Variants in ARAP2 observed in about 807,000 individuals in gnomAD.
ARAP2 encodes arf-GAP with Rho-GAP domain, ANK repeat and PH domain-containing protein 2.
Under a neutral mutation model 194.5 loss-of-function variants are expected in ARAP2, and 148 were observed. The ratio of observed to expected loss-of-function variants is 0.76; its 90% CI spans 0.67 to 0.87. The LOEUF (loss-of-function observed/expected upper bound fraction) is 0.87, where lower values mean the gene tolerates loss of function less well. Ranked by LOEUF, ARAP2 falls within the 40% of genes least tolerant of loss-of-function variation. The pLI is 0.00. For synonymous variants in ARAP2, 695 were observed against 683.5 expected (o/e 1.02, Z -0.26); for missense variants, 2,128 against 1,989.7 (o/e 1.07, Z -1.32).
intron 8 of ARAP2, among the ~76,000 whole-genome samples, chr4:36,014,192 A>C (rs760059598): frequency 5.4e-5 from 8 of 147,862 alleles, no homozygotes; most frequent in Non-Finnish European, 1.2e-4. Flanking sequence ...GTACAACTAC[A>C]CTCAAGCCTA....
At chr4:36,017,587 A>AAAAAAAAAAG (rs1716086471) in intron 6 of ARAP2, among the ~76,000 whole-genome samples, 1 of 148,342 alleles carries the variant, frequency 6.7e-6, no homozygotes, top group South Asian at 2.2e-4. Flanking sequence ...AAAAAAAAAA[A>AAAAAAAAAAG]GCTTTCTGTG....
intron 16 of ARAP2, 142 bp downstream of exon 16, chr4:36,150,758 C>T (rs1016038167): frequency 8.6e-5 from 74 of 863,248 alleles, no homozygotes; most frequent in East Asian, 1.4e-4. Flanking sequence ...TTTCAGAAGG[C>T]GCAAGATAAG....
At chr4:36,062,578 A>G (rs551064049), downstream of ARAP2, among the ~76,000 whole-genome samples, 1 of 152,026 alleles carries the variant, frequency 6.6e-6, no homozygotes, top group African/African-American at 2.4e-5. Flanking sequence ...TTGTATCTCT[A>G]CTATGCTGCT....
chr4:36,141,103 C>T (rs1728207662), intron 19 of ARAP2, among the ~76,000 whole-genome samples: 1 of 151,616 alleles, frequency 6.6e-6, no homozygotes, highest in African/African-American at 2.4e-5. Context: ...AAATAGTTCT[C>T]AAATTTTGAG....
chr4:36,009,087 A>G (rs901590189), intron 9 of ARAP2, among the ~76,000 whole-genome samples: 4 of 152,078 alleles, frequency 2.6e-5, no homozygotes, highest in African/African-American at 9.7e-5. Context: ...AAACACATAC[A>G]CTGCTGCTGA....
At chr4:36,047,579 A>C (rs1011687158) in intron 3 of ARAP2, among the ~76,000 whole-genome samples, 1 of 152,168 alleles carries the variant, frequency 6.6e-6, no homozygotes, top group Non-Finnish European at 1.5e-5. Flanking sequence ...ATTCTATGAT[A>C]ATTAACTCAT....
intron 2 of ARAP2, among the ~76,000 whole-genome samples, chr4:36,056,316 T>C (rs1315116710): frequency 6.6e-6 from 1 of 152,210 alleles, no homozygotes; most frequent in African/African-American, 2.4e-5. Flanking sequence ...ACGTGAAACC[T>C]GGACTGTGAC....
At chr4:36,216,663 G>A (rs1244343399) in intron 2 of ARAP2, among the ~76,000 whole-genome samples, 6 of 151,770 alleles carry the variant, frequency 4.0e-5, no homozygotes, top group African/African-American at 1.5e-4. Context: ...AACCCAAATA[G>A]ACATCAGGAA....
In ARAP2 at chr4:36,147,587, G is replaced by C; in HGVS notation, c.3160C>G (p.Gln1054Glu). The change falls in exon 18 of 33, where the codon CAG becomes GAG. Residue 1054 changes from glutamine to glutamate, a missense_variant. By Grantham distance (29) the Gln-to-Glu change is conservative (BLOSUM62 2). Coordinates refer to ENST00000303965, the MANE Select transcript of ARAP2 (RefSeq NM_015230.4). ...CTTCTTAAGTGCATTCTATCTCCCTGAACTTCTTGCATTTGAAGGCAAAAA... is the reference window on the plus strand; with the variant it reads ...CTTCTTAAGTGCATTCTATCTCCCTCAACTTCTTGCATTTGAAGGCAAAAA... The part of the protein sequence containing the change: ...LHFCLQMQEV[Q>E]GDRMHLRRLQ... The C allele has an allele frequency of 6.2e-7, 1 of 1,613,498 alleles. No homozygotes were observed. The highest frequency in any genetic ancestry group is 1.1e-5 in the South Asian group (1 of 91,022).
At chr4:36,160,252 A>G in intron 13 of ARAP2, 19 of 1,159,324 alleles carry the variant, frequency 1.6e-5, no homozygotes, top group Non-Finnish European at 2.0e-5. Context: ...GGAAACTTCA[A>G]TTATGGAGGA....
chr4:36,124,975 G>GAA lies in ARAP2; in HGVS notation c.3641-9_3641-8insTT. The GAA allele has an allele frequency of 6.5e-7, 1 of 1,546,898 alleles. No individual in the cohort carries two copies. Among genetic ancestry groups the GAA allele is most frequent in the African/African-American group, 1.4e-5 (1 of 72,076 alleles). On this transcript the variant is annotated splice_polypyrimidine_tract_variant and intron_variant, in intron 21 of 32. Transcript: ENST00000303965. ...CCTTGTCATCTTGCGTATCTGAAGG[G>GAA]GAAAAAAAAACAATCTTGAGATCTA... is the stretch of plus-strand genomic sequence containing the variant.
chr4:36,145,836 T>G (rs1385234218), intron 19 of ARAP2, among the ~76,000 whole-genome samples: 1 of 151,898 alleles, frequency 6.6e-6, no homozygotes, highest in Non-Finnish European at 1.5e-5. Context: ...CTAGCTATAC[T>G]CTCCATGAGG....
intron 28 of ARAP2, 48 bp from the exon 29 acceptor site, chr4:36,083,498 C>T (rs776711236): frequency 7.8e-7 from 1 of 1,284,092 alleles, no homozygotes; most frequent in African/African-American, 1.5e-5. Context: ...TACACATTTC[C>T]TTACATTTTC....
At chr4:36,049,272 T>G (rs1031432948) in intron 3 of ARAP2, among the ~76,000 whole-genome samples, 4 of 152,206 alleles carry the variant, frequency 2.6e-5, no homozygotes, top group African/African-American at 9.6e-5. Flanking sequence ...GAAAACTTCC[T>G]GTATAATTAA....
chr4:36,042,883 C>T lies in ARAP2; in HGVS notation n.607+3096G>A, dbSNP rs927582620. Among the ~76,000 whole-genome samples, 15 of 149,924 alleles carry T rather than the reference C, an allele frequency of 1.0e-4. No homozygotes were observed. In the East Asian group the frequency reaches 1.8e-3, roughly 18 times the overall value. On this transcript the variant is annotated intron_variant and non_coding_transcript_variant, in intron 5 of 12. Coordinates refer to the ARAP2 transcript ENST00000503225. ...TTTCAAACAGGGTTTCACTCTGTCACGCAGGCTGGAGTGCAATGGCACGAT... is the reference window on the plus strand; with the variant it reads ...TTTCAAACAGGGTTTCACTCTGTCATGCAGGCTGGAGTGCAATGGCACGAT...
chr4:36,177,928 C>T lies in ARAP2; in HGVS notation c.1756G>A (p.Val586Ile). The change falls in exon 9 of 33, where the codon GTT becomes ATT. Residue 586 changes from valine (V) to isoleucine (I), a missense_variant. Transcript: ENST00000303965. ...AGATATCCACATTTCTCAGGTGTAACAACAGCTTGAGACTGCGAGGTAAGG... is the reference window on the plus strand; with the variant it reads ...AGATATCCACATTTCTCAGGTGTAATAACAGCTTGAGACTGCGAGGTAAGG... Reference protein sequence around the residue: ...QSLTSQSQAVVTPEKCGYLEL... With the variant: ...QSLTSQSQAVITPEKCGYLEL... 6.2e-7 allele frequency: 1 copy of T among 1,613,546 alleles called. No individual in the cohort carries two copies. Among genetic ancestry groups the T allele is most frequent in the Non-Finnish European group, 8.5e-7 (1 of 1,179,684 alleles).
chr4:36,040,978 C>T, intron 5 of ARAP2, among the ~76,000 whole-genome samples: 1 of 151,658 alleles, frequency 6.6e-6, no homozygotes, highest in South Asian at 2.1e-4. Context: ...TTGTAGATGG[C>T]TCTTATTATT....
intron 5 of ARAP2, among the ~76,000 whole-genome samples, chr4:36,026,589 G>A (rs993435667): frequency 2.0e-5 from 3 of 152,166 alleles, no homozygotes; most frequent in Admixed American, 2.0e-4. Context: ...TGGATATCAC[G>A]GGACTGGAAG....
At position 36,223,373 on chromosome 4, in the gene ARAP2, C is replaced by T. The variant is rs1035405103; in HGVS notation, c.905+5209G>A. ...TATGTCGATTTTATTATTTTTAAAA[C>T]CCTAAATCAGTAAATAGAGGAAATC... On this transcript the variant is annotated intron_variant, in intron 2 of 32. Transcript: ENST00000303965. Among the ~76,000 whole-genome samples, 3 of 152,090 alleles carry T rather than the reference C, an allele frequency of 2.0e-5. 1 individual carries two copies. The highest frequency in any genetic ancestry group is 6.8e-3 in the Middle Eastern group (2 of 294).
Sources: gnomAD v4.1 joint callset for allele counts (sites outside exome capture counted in the v4.1 genomes callset) on GRCh38, gnomAD v4.1.1 for gene constraint, MANE v1.5 for transcripts, NCBI Gene and HGNC (gene_info 2026-07-23, HGNC 2026-07-21) for gene names.